Variants in RASSF2 observed in about 807,000 individuals in gnomAD.
RASSF2 encodes ras association domain-containing protein 2.
A neutral mutation model predicts 46.3 loss-of-function variants in RASSF2; 34 were observed. The ratio of observed to expected loss-of-function variants is 0.73; its 90% CI spans 0.56 to 0.98. The LOEUF (loss-of-function observed/expected upper bound fraction) is 0.98, where lower values mean the gene tolerates loss of function less well. RASSF2 is among the 50% of genes least tolerant of loss of function. RASSF2 has a pLI of 0.00. For missense variants in RASSF2, 364 were observed against 431.2 expected (o/e 0.84, Z 1.38); for synonymous variants, 158 against 162.5 (o/e 0.97, Z 0.21).
chr20:4,815,729 A>C (rs1928251353), intron 2 of RASSF2, among the ~76,000 whole-genome samples: 1 of 152,254 alleles, frequency 6.6e-6, no homozygotes, highest in East Asian at 1.9e-4. Flanking sequence ...CCCTGAGATT[A>C]AGCAGCAGTG....
chr20:4,789,556 C>A, intron 8 of RASSF2, 40 bp downstream of exon 8: 2 of 1,525,970 alleles, frequency 1.3e-6, no homozygotes, highest in Non-Finnish European at 1.8e-6. Context: ...CAAGGCACAG[C>A]TGTGACCCCA....
chr20:4,809,524 CTCCTG>C (rs1927601706), intron 2 of RASSF2, among the ~76,000 whole-genome samples: 1 of 152,144 alleles, frequency 6.6e-6, no homozygotes, highest in South Asian at 2.1e-4. Flanking sequence ...TTTCTCTCCC[CTCCTG>C]GGCCTGGAGC....
chr20:4,798,022 G>C lies in RASSF2; in HGVS notation c.123C>G (p.Leu41=), dbSNP rs899544620. 1 of 1,613,840 alleles carries C rather than the reference G, an allele frequency of 6.2e-7. No individual in the cohort carries two copies. Among genetic ancestry groups the C allele is most frequent in the African/African-American group, 1.3e-5 (1 of 74,906 alleles). Residue 41 remains leucine, a synonymous_variant, in exon 4 of 12, where the codon CTC becomes CTG. Coordinates refer to ENST00000379400, the MANE Select transcript of RASSF2 (RefSeq NM_014737.3). ...NLYYEGQNLQ[L]RHREEEDEFI... The stretch of plus-strand genomic sequence containing the variant: ...GGGGACTCCTTACCTCCCGGTGCCG[G>C]AGCTGTAAATTCTGGCCTTCATAGT...
At chr20:4,796,423 C>G (rs1281429192) in intron 4 of RASSF2, among the ~76,000 whole-genome samples, 3 of 152,208 alleles carry the variant, frequency 2.0e-5, no homozygotes, top group Non-Finnish European at 2.9e-5. Flanking sequence ...AAATTTAAAG[C>G]AACATTTGCC....
rs1357595392 is a variant in RASSF2, at chr20:4,790,343, C to T, written c.537+108G>A. On this transcript the variant is annotated intron_variant, in intron 7 of 11. Transcript: ENST00000379400. This position sits in a 1 kb window ranked among gnomAD's most constrained non-coding sequence, Gnocchi z 4.3. ...AACCCAAAGACTAAACAGCAGCAAACACTTGGCTTCCCAGGCATCCACACC... is the reference window on the plus strand; with the variant it reads ...AACCCAAAGACTAAACAGCAGCAAATACTTGGCTTCCCAGGCATCCACACC... The T allele has an allele frequency of 1.4e-5, 18 of 1,247,702 alleles. No homozygotes were observed. The highest frequency in any genetic ancestry group is 1.8e-5 in the Non-Finnish European group (17 of 955,332). 77.3% of individuals were successfully genotyped at this position (1,247,702 alleles called of 1,614,324 possible).
chr20:4,785,915 C>T (rs1925291876), intron 11 of RASSF2, among the ~76,000 whole-genome samples: 1 of 152,222 alleles, frequency 6.6e-6, no homozygotes, highest in African/African-American at 2.4e-5. Flanking sequence ...GTACAGTCAC[C>T]TTCCCTATTT....
Position 4,795,995 on chromosome 20 carries a change from C to A in RASSF2, c.136-29G>T. On this transcript the variant is annotated intron_variant, in intron 4 of 11. Coordinates refer to ENST00000379400, the MANE Select transcript of RASSF2 (RefSeq NM_014737.3). The surrounding 1 kb of genome is among the most constrained non-coding windows in gnomAD (Gnocchi z 4.0). ...CCCACAAAGCAATCAGAGTAGTGAG[C>A]CTAGAAAAGCCCCCACAGAAGCCAA... is the stretch of plus-strand genomic sequence containing the variant. The A allele has an allele frequency of 6.8e-7, 1 of 1,468,022 alleles. No individual in the cohort carries two copies. Among genetic ancestry groups the A allele is most frequent in the Non-Finnish European group, 9.1e-7 (1 of 1,104,470 alleles). The allele number at this position is 1,468,022 out of a possible 1,614,324, so 90.9% of individuals were successfully genotyped here.
intron 2 of RASSF2, among the ~76,000 whole-genome samples, chr20:4,819,607 C>A (rs1379633623): frequency 6.6e-6 from 1 of 152,142 alleles, no homozygotes; most frequent in Non-Finnish European, 1.5e-5. Context: ...AGACTGACAG[C>A]ATCTATTACA....
chr20:4,811,488 G>A (rs191245553), intron 2 of RASSF2, among the ~76,000 whole-genome samples: 4 of 152,306 alleles, frequency 2.6e-5, no homozygotes, highest in Admixed American at 1.3e-4. Flanking sequence ...AGGGCTGAGC[G>A]CCACTGTGGA....
chr20:4,787,800 C>T (rs1925497042), intron 9 of RASSF2, 46 bp from the exon 10 acceptor site: 2 of 1,604,186 alleles, frequency 1.2e-6, no homozygotes, highest in African/African-American at 2.9e-5. Flanking sequence ...GCCTTTCTCA[C>T]ATTAAGTAGT....
In RASSF2 at chr20:4,812,920, G is replaced by A. The variant is rs938917608; in HGVS notation, c.-33+9409C>T. Among the ~76,000 whole-genome samples the A allele has an allele frequency of 1.3e-5, 2 of 152,146 alleles. No homozygotes were observed. Among genetic ancestry groups the A allele is most frequent in the African/African-American group, 4.8e-5 (2 of 41,444 alleles). On this transcript the variant is annotated intron_variant, in intron 2 of 11. Transcript: ENST00000379400. The surrounding 1 kb of genome is among the most constrained non-coding windows in gnomAD (Gnocchi z 4.0). ...TCCAGCTACCAGCCCACAGCAGGCTGGGAGGTCTGGGGGATGGGAGGCGAG... is the reference window on the plus strand; with the variant it reads ...TCCAGCTACCAGCCCACAGCAGGCTAGGAGGTCTGGGGGATGGGAGGCGAG...
chr20:4,804,637 C>T (rs1927192250), intron 2 of RASSF2, among the ~76,000 whole-genome samples: 1 of 152,162 alleles, frequency 6.6e-6, no homozygotes, highest in Non-Finnish European at 1.5e-5. Context: ...CATGCCTGGC[C>T]AAAACTTTTC....
rs1160047790 is a variant in RASSF2 at position 4,784,090 on chromosome 20, G to T, written c.*183C>A. 3 of 627,400 alleles carry T rather than the reference G, an allele frequency of 4.8e-6. No individual in the cohort carries two copies. The highest frequency in any genetic ancestry group is 1.8e-5 in the African/African-American group (1 of 54,302). 38.9% of individuals were successfully genotyped at this position (627,400 alleles called of 1,614,324 possible). On this transcript the variant is annotated 3_prime_UTR_variant, in exon 12 of 12. Coordinates refer to ENST00000379400, the MANE Select transcript of RASSF2 (RefSeq NM_014737.3). The stretch of plus-strand genomic sequence containing the variant: ...TGTGAGCAGAAAAAAGGAGGGCAGG[G>T]GTCCAGGGATAGGGAGCTGTCTGCT...
Position 4,788,200 on chromosome 20 carries a change from G to C in RASSF2, c.691+17C>G. ...TTAATTAGAAGTTTTAAAGTACACT[G>C]TGGTCTTCAGACTTACCACCACTCG... On this transcript the variant is annotated intron_variant, in intron 9 of 11. Transcript: ENST00000379400. The C allele has an allele frequency of 1.3e-6, 2 of 1,563,504 alleles. No individual in the cohort carries two copies. Among genetic ancestry groups the C allele is most frequent in the Non-Finnish European group, 1.8e-6 (2 of 1,134,108 alleles).
At chr20:4,818,369 C>G (rs1465888266) in intron 2 of RASSF2, among the ~76,000 whole-genome samples, 2 of 152,154 alleles carry the variant, frequency 1.3e-5, no homozygotes, top group African/African-American at 4.8e-5. Context: ...TGAACATATC[C>G]CATGACTTGG....
intron 4 of RASSF2, among the ~76,000 whole-genome samples, chr20:4,797,054 G>A (rs1926412046): frequency 6.6e-6 from 1 of 152,130 alleles, no homozygotes; most frequent in South Asian, 2.1e-4. Context: ...AGGAATAAAA[G>A]AGGGAAGGAG....
In RASSF2 at chr20:4,790,817, G is replaced by A. The variant is rs1042785115; in HGVS notation, c.377-206C>T. Among the ~76,000 whole-genome samples the A allele has an allele frequency of 3.9e-5, 6 of 152,158 alleles. No individual in the cohort carries two copies. Among genetic ancestry groups the A allele is most frequent in the African/African-American group, 9.7e-5 (4 of 41,444 alleles). ...AGTTCAGAGAACAGACTTCAGAGCCGGACTCCCTGGGTTCAAATCCCTGCT... is the reference window on the plus strand; with the variant it reads ...AGTTCAGAGAACAGACTTCAGAGCCAGACTCCCTGGGTTCAAATCCCTGCT... On this transcript the variant is annotated intron_variant, in intron 6 of 11. Transcript: ENST00000379400. The surrounding 1 kb of genome is among the most constrained non-coding windows in gnomAD (Gnocchi z 4.3).
rs928988416 is a variant in RASSF2 at position 4,795,630 on chromosome 20, G to C, written c.287+185C>G. ...CAGTGATTGCAGTGACAGGAAGGGG[G>C]CTCAATCACAACCACATCTGCTGCT... On this transcript the variant is annotated intron_variant, in intron 5 of 11. Coordinates refer to ENST00000379400, the MANE Select transcript of RASSF2 (RefSeq NM_014737.3). This position sits in a 1 kb window ranked among gnomAD's most constrained non-coding sequence, Gnocchi z 4.0. 3.3e-6 allele frequency: 2 copies of C among 607,180 alleles called. No individual in the cohort carries two copies. The highest frequency in any genetic ancestry group is 2.7e-6 in the Non-Finnish European group (1 of 370,072). 37.6% of individuals were successfully genotyped at this position (607,180 alleles called of 1,614,324 possible). A position where few individuals can be genotyped will look rare whatever the true frequency, so the allele number is the denominator to read the frequency against.
At chr20:4,802,994 G>T (rs557719800) in intron 2 of RASSF2, among the ~76,000 whole-genome samples, 6 of 149,714 alleles carry the variant, frequency 4.0e-5, no homozygotes, top group African/African-American at 1.5e-4. Flanking sequence ...CTGCAGCCTC[G>T]ACTTTCCCAG....
Sources: allele counts gnomAD v4.1 joint callset (sites outside exome capture counted in the v4.1 genomes callset), GRCh38; gene constraint gnomAD v4.1.1; non-coding constraint Gnocchi (gnomAD v3.1); transcripts MANE v1.5; gene names NCBI Gene and HGNC (gene_info 2026-07-23, HGNC 2026-07-21).